TRPS1: variants seen among roughly 807,000 people sequenced by gnomAD.
The protein encoded by TRPS1 is transcriptional repressor GATA binding 1, also known as zinc finger transcription factor Trps1.
Under a neutral mutation model 101.2 loss-of-function variants are expected in TRPS1, and 6 were observed. That is an observed-to-expected ratio of 0.06 (90% CI 0.03 to 0.12). The LOEUF (loss-of-function observed/expected upper bound fraction) is 0.12, where lower values mean the gene tolerates loss of function less well. Ranked by LOEUF, TRPS1 falls within the 10% of genes least tolerant of loss-of-function variation. TRPS1 has a pLI of 1.00. For synonymous variants in TRPS1, 578 were observed against 589.8 expected, an observed-to-expected ratio of 0.98 and a Z score of 0.29; for missense variants, 1,363 against 1,567.0, an observed-to-expected ratio of 0.87 and a Z score of 2.20.
At chr8:115,510,174 G>A (rs1452416812) in intron 5 of TRPS1, among the ~76,000 whole-genome samples, 1 of 151,806 alleles carries the variant, frequency 6.6e-6, no homozygotes, top group Non-Finnish European at 1.5e-5. Flanking sequence ...CTTATCTTAG[G>A]CTCAATTCAA....
chr8:115,500,476 T>C (rs1815288693), intron 5 of TRPS1, among the ~76,000 whole-genome samples: 1 of 152,218 alleles, frequency 6.6e-6, no homozygotes, highest in Non-Finnish European at 1.5e-5. Flanking sequence ...CCATCCTTAC[T>C]GAATTCTGTA....
intron 5 of TRPS1, among the ~76,000 whole-genome samples, chr8:115,536,295 C>T (rs1219442448): frequency 6.6e-6 from 1 of 151,840 alleles, no homozygotes; most frequent in Non-Finnish European, 1.5e-5. Context: ...CCGAGGCGGG[C>T]GGATCAGGAG....
chr8:115,482,692 C>T (rs1454347670), intron 5 of TRPS1, among the ~76,000 whole-genome samples: 1 of 152,082 alleles, frequency 6.6e-6, no homozygotes, highest in Non-Finnish European at 1.5e-5. Flanking sequence ...CTTTTTGGTT[C>T]TTTTCATCAA....
At chr8:115,640,787 A>C (rs1210585742) in intron 1 of TRPS1, among the ~76,000 whole-genome samples, 1 of 152,208 alleles carries the variant, frequency 6.6e-6, no homozygotes, top group Non-Finnish European at 1.5e-5. Flanking sequence ...GTTAGAGGTA[A>C]ACTGAAGCGC....
intron 1 of TRPS1, among the ~76,000 whole-genome samples, chr8:115,654,226 T>C (rs1319495595): frequency 3.1e-5 from 2 of 65,376 alleles, no homozygotes; most frequent in Non-Finnish European, 5.8e-5. Context: ...TGGCTAGAAA[T>C]GGAAAGTTGA....
At chr8:115,622,717 TTACACA>T (rs1818422371) in intron 2 of TRPS1, among the ~76,000 whole-genome samples, 1 of 152,040 alleles carries the variant, frequency 6.6e-6, no homozygotes, top group South Asian at 2.1e-4. Context: ...ATGAATAAGG[TTACACA>T]CACAAAAAAG....
chr8:115,661,143 GA>G (rs1811786569), intron 1 of TRPS1, among the ~76,000 whole-genome samples: 1 of 151,938 alleles, frequency 6.6e-6, no homozygotes, highest in African/African-American at 2.4e-5. Context: ...ACAATACACT[GA>G]AAGGTGGCAT....
chr8:115,525,822 C>T (rs1401050383), intron 5 of TRPS1, among the ~76,000 whole-genome samples: 2 of 152,150 alleles, frequency 1.3e-5, no homozygotes. Flanking sequence ...TTTCTAAGAG[C>T]ACTGAAATGT....
intron 1 of TRPS1, among the ~76,000 whole-genome samples, chr8:115,659,813 A>G (rs1274132329): frequency 3.9e-5 from 6 of 151,954 alleles, no homozygotes; most frequent in Non-Finnish European, 7.4e-5. Context: ...TTCAGAACCA[A>G]AATTACAATT....
rs1267168888 is a variant in TRPS1 at position 115,535,238 on chromosome 8, T to TAC, written c.2700+51762_2700+51763insGT. ...GCATATATAGCATATATATATAGCATATATAGCATATATAGCATATATATA... is the reference window on the plus strand; with the variant it reads ...GCATATATAGCATATATATATAGCATACATATAGCATATATAGCATATATATA... On this transcript the variant is annotated intron_variant, in intron 5 of 6. Transcript: ENST00000395715. Among the ~76,000 whole-genome samples the TAC allele has an allele frequency of 4.0e-5, 3 of 74,362 alleles. No homozygotes were observed. The South Asian group carries it at 1.4e-3, about 34-fold the overall frequency. The allele number at this position is 74,362 out of a possible 152,430, so 48.8% of individuals were successfully genotyped here.
chr8:115,647,854 C>A (rs1417166307), intron 1 of TRPS1, among the ~76,000 whole-genome samples: 1 of 151,872 alleles, frequency 6.6e-6, no homozygotes. Flanking sequence ...ATAACCTATG[C>A]CATCATTTTA....
intron 1 of TRPS1, among the ~76,000 whole-genome samples, chr8:115,629,117 T>C (rs1818579165): frequency 6.6e-6 from 1 of 151,622 alleles, no homozygotes; most frequent in African/African-American, 2.4e-5. Context: ...GAAATTTAAC[T>C]GAGATTTTAA....
chr8:115,505,298 A>G (rs1815414910), intron 5 of TRPS1, among the ~76,000 whole-genome samples: 1 of 152,178 alleles, frequency 6.6e-6, no homozygotes, highest in South Asian at 2.1e-4. Flanking sequence ...GTTTACCTAC[A>G]GTGCAGACAA....
Position 115,636,237 on chromosome 8 carries a change from C to A in TRPS1, c.-121-12479G>T, listed in dbSNP as rs558424935. Among the ~76,000 whole-genome samples the A allele has an allele frequency of 2.0e-5, 3 of 152,106 alleles. No individual in the cohort carries two copies. The East Asian group carries it at 5.8e-4, about 29-fold the overall frequency. On this transcript the variant is annotated intron_variant, in intron 1 of 6. Coordinates refer to ENST00000395715, the MANE Select transcript of TRPS1 (RefSeq NM_014112.5). Reference sequence around the variant, plus strand: ...AGCTTAATAGTCTGGCTATGAAGCACAAGATGACACATTTAATTTCCAATA... The same window carrying A: ...AGCTTAATAGTCTGGCTATGAAGCAAAAGATGACACATTTAATTTCCAATA...
intron 3 of TRPS1, among the ~76,000 whole-genome samples, chr8:115,610,900 T>C (rs1318707681): frequency 6.6e-6 from 1 of 152,048 alleles, no homozygotes; most frequent in Non-Finnish European, 1.5e-5. Context: ...GCGGATCACC[T>C]GAGATCAGGA....
chr8:115,481,982 G>A (rs999349278), intron 5 of TRPS1, among the ~76,000 whole-genome samples: 1 of 152,120 alleles, frequency 6.6e-6, no homozygotes, highest in African/African-American at 2.4e-5. Context: ...GGCAGAATAG[G>A]ACATGGCTTC....
intron 5 of TRPS1, among the ~76,000 whole-genome samples, chr8:115,427,100 G>T (rs898547126): frequency 2.0e-5 from 3 of 151,750 alleles, no homozygotes; most frequent in Non-Finnish European, 2.9e-5. Flanking sequence ...CAGCAAGAAC[G>T]TGTCTCTACA....
At chr8:115,603,310 A>G (rs2081796983) in intron 4 of TRPS1, among the ~76,000 whole-genome samples, 1 of 152,208 alleles carries the variant, frequency 6.6e-6, no homozygotes, top group Non-Finnish European at 1.5e-5. Context: ...GCAAGTCTAC[A>G]TCCAAAATCA....
At chr8:115,654,295 T>G (rs1213224062) in intron 1 of TRPS1, among the ~76,000 whole-genome samples, 1 of 152,186 alleles carries the variant, frequency 6.6e-6, no homozygotes, top group Non-Finnish European at 1.5e-5. Context: ...TTCACTACAT[T>G]TGAAGTTGAA....
Sources: allele counts gnomAD v4.1 joint callset (sites outside exome capture counted in the v4.1 genomes callset), GRCh38; gene constraint gnomAD v4.1.1; transcripts MANE v1.5; gene names NCBI Gene and HGNC (gene_info 2026-07-23, HGNC 2026-07-21).